Variants in PHF7 observed in about 807,000 individuals in gnomAD.
PHF7 encodes the protein PHD finger protein 7.
PHF7 carries 24 observed loss-of-function variants against 47.5 expected under a neutral mutation model. The ratio of observed to expected loss-of-function variants is 0.51; its 90% CI spans 0.37 to 0.71. The LOEUF (loss-of-function observed/expected upper bound fraction) is 0.71. Among genes scored for constraint, PHF7 ranks in the 30% least tolerant of loss-of-function variants. PHF7 has a pLI of 0.00. For missense variants in PHF7, 361 were observed against 456.8 expected (o/e 0.79, Z 1.91); for synonymous variants, 156 against 153.8 (o/e 1.01, Z -0.11).
In PHF7 at chr3:52,422,763, G is replaced by T. The variant is rs750213174; in HGVS notation, c.801G>T (p.Arg267Ser). 2 of 1,614,148 alleles carry T rather than the reference G, an allele frequency of 1.2e-6. No individual in the cohort carries two copies. Among genetic ancestry groups the T allele is most frequent in the Non-Finnish European group, 1.7e-6 (2 of 1,179,974 alleles). ...CCTTCCTGGGCTCTTCCTCTAGGAG[G>T]TGGTGCCTCATTCTGTGTGCTACAT... ...QGRDSFEDEG[R>S]WCLILCATCG... The change falls in exon 10 of 11, where the codon AGG (arginine) becomes AGT (serine). Residue 267 changes from arginine to serine, a missense_variant. Arg to Ser is a moderately radical substitution (Grantham distance 110). Transcript: ENST00000327906.
intron 6 of PHF7, 46 bp from the exon 7 acceptor site, chr3:52,420,857 C>T (rs1705764765): frequency 1.9e-6 from 3 of 1,563,210 alleles, no homozygotes; most frequent in Non-Finnish European, 2.6e-6. Context: ...CATTGGGAAA[C>T]TACATCAATG....
At chr3:52,419,796 C>A in intron 4 of PHF7, 37 bp from the exon 5 acceptor site, 1 of 1,143,924 alleles carries the variant, frequency 8.7e-7, no homozygotes, top group Non-Finnish European at 1.3e-6. Context: ...TTTCACTGAT[C>A]ATCATTGTTA....
At position 52,420,319 on chromosome 3, in the gene PHF7, T is replaced by C. The variant is rs775324959; in HGVS notation, c.297T>C (p.Phe99=). Residue 99 remains phenylalanine, a synonymous_variant, in exon 6 of 11, where the codon TTT becomes TTC. Coordinates refer to ENST00000327906, the MANE Select transcript of PHF7 (RefSeq NM_016483.7). ...EAARASRKIC[F]VCKKKGAAIN... ...TGGGAACTCATTTGCAGATCTGCTT[T>C]GTGTGCAAGAAAAAGGGAGCTGCTA... 2 of 1,614,100 alleles carry C rather than the reference T, an allele frequency of 1.2e-6. No homozygotes were observed. Among genetic ancestry groups the C allele is most frequent in the Non-Finnish European group, 1.7e-6 (2 of 1,179,930 alleles).
intron 4 of PHF7, among the ~76,000 whole-genome samples, chr3:52,418,000 A>G (rs2153229079): frequency 6.6e-6 from 1 of 151,990 alleles, no homozygotes; most frequent in African/African-American, 2.4e-5. Flanking sequence ...GAATTTTCTC[A>G]CTTTTCCTGT....
In PHF7 at chr3:52,419,739, A is replaced by G. The variant is rs1209231728; in HGVS notation, c.187-94A>G. 5.1e-6 allele frequency: 4 copies of G among 788,544 alleles called. No homozygotes were observed. The East Asian group carries it at 8.1e-5, about 16-fold the overall frequency. The allele number at this position is 788,544 out of a possible 1,614,324, so 48.8% of individuals were successfully genotyped here. A position where few individuals can be genotyped will look rare whatever the true frequency, so the allele number is the denominator to read the frequency against. ...AGCCACCACACCCGGCCCAAGCTCT[A>G]TTCTTTAGCTCTCTTACCCTGTCCT... On this transcript the variant is annotated intron_variant, in intron 4 of 10. Coordinates refer to ENST00000327906, the MANE Select transcript of PHF7 (RefSeq NM_016483.7).
At chr3:52,414,619 CCTATGGCTTTTGG>C in intron 4 of PHF7, 32 bp downstream of exon 4, 1 of 1,290,774 alleles carries the variant, frequency 7.7e-7, no homozygotes, top group Non-Finnish European at 1.1e-6. Context: ...CTTTGAATAT[CCTATGGCTTTTGG>C]TGTACTGACT....
At chr3:52,413,382 C>G (rs571609610) in intron 2 of PHF7, among the ~76,000 whole-genome samples, 1 of 152,296 alleles carries the variant, frequency 6.6e-6, no homozygotes, top group South Asian at 2.1e-4. Context: ...ACCTGAGATT[C>G]AGAGTAGTTG....
intron 4 of PHF7, 39 bp from the exon 5 acceptor site, chr3:52,419,794 A>T (rs1705732161): frequency 8.9e-7 from 1 of 1,127,398 alleles, no homozygotes; most frequent in South Asian, 1.3e-5. Context: ...TGTTTCACTG[A>T]TCATCATTGT....
Position 52,412,853 on chromosome 3 carries a change from C to A in PHF7, c.-27C>A. The stretch of plus-strand genomic sequence containing the variant: ...GTCCTCACAATAGTATAGAAGAATT[C>A]AAGAGAGGAGAGAGAGACAGCACCG... On this transcript the variant is annotated 5_prime_UTR_variant, in exon 2 of 11. Coordinates refer to ENST00000327906, the MANE Select transcript of PHF7 (RefSeq NM_016483.7). The A allele has an allele frequency of 1.3e-6, 2 of 1,580,530 alleles. No homozygotes were observed. Among genetic ancestry groups the A allele is most frequent in the African/African-American group, 1.4e-5 (1 of 74,062 alleles).
chr3:52,413,226 G>A (rs1031187249), intron 2 of PHF7, among the ~76,000 whole-genome samples: 2 of 152,178 alleles, frequency 1.3e-5, no homozygotes, highest in East Asian at 1.9e-4. Flanking sequence ...ATAATGGCAT[G>A]TACTTTTTAG....
In PHF7 at chr3:52,414,003, G is replaced by C; in HGVS notation, c.49G>C (p.Ala17Pro). Reference protein sequence around the residue: ...KKECQRLRKSAKTRRVTQRKP... With the variant: ...KKECQRLRKSPKTRRVTQRKP... Reference sequence around the variant, plus strand: ...CTTATTTCTCTTGTATAGAAAATCTGCCAAGACTAGGAGGGTAACCCAGAG... The same window carrying C: ...CTTATTTCTCTTGTATAGAAAATCTCCCAAGACTAGGAGGGTAACCCAGAG... The change falls in exon 3 of 11, where the codon GCC (alanine) becomes CCC (proline). Residue 17 changes from alanine to proline, a missense_variant. Transcript: ENST00000327906. The C allele has an allele frequency of 6.2e-7, 1 of 1,606,524 alleles. No homozygotes were observed. The highest frequency in any genetic ancestry group is 8.5e-7 in the Non-Finnish European group (1 of 1,173,114).
Position 52,419,948 on chromosome 3 carries a change from G to A in PHF7, c.288+14G>A. On this transcript the variant is annotated intron_variant, in intron 5 of 10. Transcript: ENST00000327906. The stretch of plus-strand genomic sequence containing the variant: ...GCTTCTAGGAAGGTTAGAATCTCTT[G>A]AAATGAGGACCTTGGGGTAGGCCTC... 2 of 1,500,176 alleles carry A rather than the reference G, an allele frequency of 1.3e-6. No homozygotes were observed. Among genetic ancestry groups the A allele is most frequent in the East Asian group, 2.3e-5 (1 of 44,172 alleles). The allele number at this position is 1,500,176 out of a possible 1,614,324, so 92.9% of individuals were successfully genotyped here. A position where few individuals can be genotyped will look rare whatever the true frequency, so the allele number is the denominator to read the frequency against.
chr3:52,411,931 A>G (rs1705455806), intron 1 of PHF7, among the ~76,000 whole-genome samples: 1 of 149,572 alleles, frequency 6.7e-6, no homozygotes. Context: ...AATTGATAGG[A>G]GAGGTCAGGC....
chr3:52,412,848 G>A lies in PHF7; in HGVS notation c.-32G>A, dbSNP rs765408252. 1 of 1,561,074 alleles carries A rather than the reference G, an allele frequency of 6.4e-7. No homozygotes were observed. Among genetic ancestry groups the A allele is most frequent in the East Asian group, 2.3e-5 (1 of 44,148 alleles). On this transcript the variant is annotated 5_prime_UTR_variant, in exon 2 of 11. Coordinates refer to ENST00000327906, the MANE Select transcript of PHF7 (RefSeq NM_016483.7). The stretch of plus-strand genomic sequence containing the variant: ...GTATTGTCCTCACAATAGTATAGAA[G>A]AATTCAAGAGAGGAGAGAGAGACAG...
intron 4 of PHF7, 66 bp from the exon 5 acceptor site, chr3:52,419,755 ACCCTGTCCTTCT>A (rs1705730466): frequency 1.2e-6 from 1 of 840,642 alleles, no homozygotes; most frequent in Non-Finnish European, 2.0e-6. Context: ...TAGCTCTCTT[ACCCTGTCCTTCT>A]CCTCACCTCA....
rs1010028983 is a variant in PHF7 at position 52,416,188 on chromosome 3, G to GT, written c.186+1616dup. Among the ~76,000 whole-genome samples the GT allele has an allele frequency of 5.8e-3, 806 of 137,822 alleles. 3 individuals are homozygous for GT. The highest frequency in any genetic ancestry group is 0.013 in the African/African-American group (476 of 37,678). 90.4% of individuals were successfully genotyped at this position (137,822 alleles called of 152,430 possible). ...TTCACATATTTTCTTTGGTTTTTTG[G>GT]TTTTTTTTTTTTTTTGAGATGGAGT... On this transcript the variant is annotated intron_variant, in intron 4 of 10. Coordinates refer to ENST00000327906, the MANE Select transcript of PHF7 (RefSeq NM_016483.7).
chr3:52,422,843 A>C lies in PHF7; in HGVS notation c.881A>C (p.Lys294Thr), dbSNP rs771696226. ...DCSSLRSNSKKWECEECSPAA... is the reference protein window; with the variant it reads ...DCSSLRSNSKTWECEECSPAA... ...TCCTCTCTTAGATCTAACAGTAAGA[A>C]ATGGGAGTGTGAGGAGTGTTCACCT... Residue 294 changes from lysine to threonine, a missense_variant, in exon 10 of 11, where the codon AAA (lysine) becomes ACA (threonine). Coordinates refer to ENST00000327906, the MANE Select transcript of PHF7 (RefSeq NM_016483.7). 5 of 1,614,118 alleles carry C rather than the reference A, an allele frequency of 3.1e-6. No individual in the cohort carries two copies. Among genetic ancestry groups the C allele is most frequent in the Middle Eastern group, 1.6e-4 (1 of 6,062 alleles).
intron 5 of PHF7, 173 bp from the exon 6 acceptor site, chr3:52,420,138 A>G (rs529724197): frequency 2.4e-6 from 2 of 824,794 alleles, no homozygotes; most frequent in Non-Finnish European, 4.3e-6. Flanking sequence ...AAAATAGGAA[A>G]GAACTCAGTG....
At position 52,412,921 on chromosome 3, in the gene PHF7, G is replaced by A. The variant is rs112098539; in HGVS notation, c.41+1G>A. On this transcript the variant is annotated splice_donor_variant, in intron 2 of 10. Transcript: ENST00000327906. LOFTEE classifies it high-confidence loss of function. ...AAAAGAAGGAATGCCAGAGATTGAG[G>A]TAGAAGTAGTTGACATAGGGAATTT... The A allele has an allele frequency of 1.9e-6, 3 of 1,607,446 alleles. No homozygotes were observed. Among genetic ancestry groups the A allele is most frequent in the Non-Finnish European group, 2.6e-6 (3 of 1,174,674 alleles).
Sources: allele counts gnomAD v4.1 joint callset (sites outside exome capture counted in the v4.1 genomes callset), GRCh38; gene constraint gnomAD v4.1.1; transcripts MANE v1.5; gene names NCBI Gene and HGNC (gene_info 2026-07-23, HGNC 2026-07-21).